LRP1B: variants seen among roughly 807,000 people sequenced by gnomAD.
LRP1B encodes the protein LDL receptor related protein 1B, also known as low-density lipoprotein receptor-related protein 1B.
LRP1B carries 217 observed loss-of-function variants against 556.6 expected under a neutral mutation model. The observed-to-expected ratio is 0.39, with a 90% CI of 0.35 to 0.44. The LOEUF is 0.44. Ranked by LOEUF, LRP1B falls within the 20% of genes least tolerant of loss-of-function variation. LRP1B has a pLI of 1.00. For synonymous variants in LRP1B, 2,047 were observed against 1,865.8 expected (o/e 1.10, Z -2.50); for missense variants, 5,053 against 5,620.8 (o/e 0.90, Z 3.23).
At chr2:141,730,888 G>A (rs952525568) in intron 2 of LRP1B, among the ~76,000 whole-genome samples, 6 of 152,114 alleles carry the variant, frequency 3.9e-5, no homozygotes, top group African/African-American at 1.4e-4. Flanking sequence ...ACAGTTTCCT[G>A]TGTATAAAGA....
Position 140,700,599 on chromosome 2 carries a change from G to A in LRP1B, c.6450C>T (p.Asp2150=), listed in dbSNP as rs922870902. 1 of 1,613,422 alleles carries A rather than the reference G, an allele frequency of 6.2e-7. No individual in the cohort carries two copies. Among genetic ancestry groups the A allele is most frequent in the Admixed American group, 1.7e-5 (1 of 59,938 alleles). ...GACAGAGTTGCTTACAGCCACCATT[G>A]TCCCTGGCACAAACATTGGTCCCTA... ...REKGTNVCAR[D]NGGCKQLCLY... Residue 2150 remains aspartate, a synonymous_variant, in exon 41 of 91, where the codon GAC becomes GAT. Transcript: ENST00000389484.
intron 2 of LRP1B, among the ~76,000 whole-genome samples, chr2:141,678,158 A>G (rs1690959299): frequency 6.6e-6 from 1 of 152,210 alleles, no homozygotes; most frequent in Non-Finnish European, 1.5e-5. Context: ...GATTGGTGAT[A>G]CAGTTGAAGG....
chr2:140,783,953 C>T (rs1689792953), intron 32 of LRP1B, among the ~76,000 whole-genome samples: 1 of 152,090 alleles, frequency 6.6e-6, no homozygotes, highest in Admixed American at 6.5e-5. Context: ...TGGGCTCCAC[C>T]CCAGACTGTA....
intron 1 of LRP1B, among the ~76,000 whole-genome samples, chr2:142,040,577 C>T (rs980767269): frequency 6.8e-6 from 1 of 147,000 alleles, no homozygotes; most frequent in African/African-American, 2.5e-5. Context: ...GAAAAGTACA[C>T]GGTTTTAAAT....
At chr2:140,965,343 T>C (rs902019718) in intron 18 of LRP1B, among the ~76,000 whole-genome samples, 1 of 145,374 alleles carries the variant, frequency 6.9e-6, no homozygotes, top group Admixed American at 6.9e-5. Context: ...ATTTTAACTT[T>C]CAAGGTTAAA....
chr2:140,380,278 T>C (rs1683413048), intron 67 of LRP1B, among the ~76,000 whole-genome samples: 1 of 152,144 alleles, frequency 6.6e-6, no homozygotes, highest in African/African-American at 2.4e-5. Context: ...GGCTGTATCA[T>C]TGCTTCCCAT....
intron 41 of LRP1B, among the ~76,000 whole-genome samples, chr2:140,680,960 G>A (rs1424106041): frequency 6.6e-6 from 1 of 152,174 alleles, no homozygotes; most frequent in Non-Finnish European, 1.5e-5. Flanking sequence ...GACTTAAAAG[G>A]CAGTGCTGTG....
At chr2:141,705,666 T>A (rs1692109347) in intron 2 of LRP1B, among the ~76,000 whole-genome samples, 2 of 152,172 alleles carry the variant, frequency 1.3e-5, no homozygotes, top group South Asian at 4.1e-4. Context: ...TGGATACTAT[T>A]CACGAACTCA....
chr2:140,262,053 C>T (rs1055850939), intron 86 of LRP1B, among the ~76,000 whole-genome samples: 2 of 151,516 alleles, frequency 1.3e-5, no homozygotes, highest in Non-Finnish European at 2.9e-5. Flanking sequence ...ACTAATTTCT[C>T]AGAAGAATTA....
At chr2:141,854,318 C>T (rs1697967840) in intron 1 of LRP1B, among the ~76,000 whole-genome samples, 1 of 151,898 alleles carries the variant, frequency 6.6e-6, no homozygotes, top group African/African-American at 2.4e-5. Context: ...TCTCAGAGCT[C>T]AATTTTGTGT....
chr2:141,350,642 C>T (rs986910231), intron 3 of LRP1B, among the ~76,000 whole-genome samples: 1 of 152,042 alleles, frequency 6.6e-6, no homozygotes, highest in African/African-American at 2.4e-5. Context: ...TTGTAACCAT[C>T]GTATCACTCA....
chr2:141,246,031 T>C (rs1684056168), intron 5 of LRP1B, among the ~76,000 whole-genome samples: 1 of 152,214 alleles, frequency 6.6e-6, no homozygotes, highest in East Asian at 1.9e-4. Flanking sequence ...GCTTATATTA[T>C]TCTGGAGAAA....
At chr2:141,756,444 G>T (rs1037870938) in intron 2 of LRP1B, among the ~76,000 whole-genome samples, 8 of 151,818 alleles carry the variant, frequency 5.3e-5, no homozygotes, top group Middle Eastern at 3.4e-3. Flanking sequence ...TTATTTGAGG[G>T]TTAAGTTTCA....
chr2:141,187,210 A>G (rs1337712115), intron 7 of LRP1B, among the ~76,000 whole-genome samples: 2 of 152,080 alleles, frequency 1.3e-5, no homozygotes, highest in Non-Finnish European at 2.9e-5. Flanking sequence ...TCTGCTGCAA[A>G]TACAAATAGA....
At chr2:141,805,295 G>A (rs970066269) in intron 2 of LRP1B, 1 of 152,086 alleles carries the variant, frequency 6.6e-6, no homozygotes, top group Non-Finnish European at 1.5e-5. Flanking sequence ...GAAGAAGCCT[G>A]TTGTCATTCT....
At chr2:140,483,613 CACAT>C (rs1449298169) in intron 59 of LRP1B, among the ~76,000 whole-genome samples, 15 of 79,732 alleles carry the variant, frequency 1.9e-4, no homozygotes, top group African/African-American at 7.9e-4. Flanking sequence ...CACACACACA[CACAT>C]ATATATATAT....
At chr2:140,259,021 T>C (rs1312876689) in intron 86 of LRP1B, among the ~76,000 whole-genome samples, 1 of 152,104 alleles carries the variant, frequency 6.6e-6, no homozygotes, top group Non-Finnish European at 1.5e-5. Flanking sequence ...TTATCAGTGT[T>C]CCCCTACTGC....
At chr2:142,000,790 A>C (rs948063473) in intron 1 of LRP1B, among the ~76,000 whole-genome samples, 2 of 152,186 alleles carry the variant, frequency 1.3e-5, no homozygotes. Context: ...AGAGAAAACT[A>C]AGGCAGAAAA....
intron 20 of LRP1B, among the ~76,000 whole-genome samples, chr2:140,942,598 G>C (rs931758696): frequency 1.3e-5 from 2 of 152,118 alleles, no homozygotes; most frequent in Non-Finnish European, 2.9e-5. Context: ...CTCCTCTGCA[G>C]AAACCTTTCA....
Sources: allele counts gnomAD v4.1 joint callset (sites outside exome capture counted in the v4.1 genomes callset), GRCh38; gene constraint gnomAD v4.1.1; transcripts MANE v1.5; gene names NCBI Gene and HGNC (gene_info 2026-07-23, HGNC 2026-07-21).